The following NBEA variants were observed in gnomAD, a reference collection of about 807,000 sequenced individuals.
NBEA encodes lysosomal-trafficking regulator 2.
In NBEA, 44 loss-of-function variants were observed where a neutral mutation model predicts 343.4. The ratio of observed to expected loss-of-function variants is 0.13; its 90% CI spans 0.10 to 0.16. The LOEUF (loss-of-function observed/expected upper bound fraction) is 0.16, where lower values mean the gene tolerates loss of function less well. NBEA is among the 10% of genes least tolerant of loss of function. NBEA has a pLI of 1.00. For missense variants in NBEA, 2,555 were observed against 3,631.3 expected (o/e 0.70, Z 7.62); for synonymous variants, 1,175 against 1,238.7 (o/e 0.95, Z 1.08).
At chr13:35,546,192 T>C (rs1441542768) in intron 41 of NBEA, among the ~76,000 whole-genome samples, 11 of 152,230 alleles carry the variant, frequency 7.2e-5, no homozygotes, top group Non-Finnish European at 1.5e-5. Context: ...AGAAAATTAA[T>C]CATTTTCATG....
chr13:35,618,247 CCTT>C (rs1412784524), intron 48 of NBEA, among the ~76,000 whole-genome samples: 1 of 152,154 alleles, frequency 6.6e-6, no homozygotes, highest in Non-Finnish European at 1.5e-5. Flanking sequence ...AGTATTCCCT[CCTT>C]CTTTCAAACT....
At chr13:35,214,303 C>T (rs1439393916) in intron 33 of NBEA, among the ~76,000 whole-genome samples, 7 of 151,906 alleles carry the variant, frequency 4.6e-5, no homozygotes, top group African/African-American at 1.7e-4. Context: ...GTATGCTTAA[C>T]CATTTGAGAA....
chr13:35,308,438 CTATATATATATATATATATA>C (rs5802761), intron 35 of NBEA, among the ~76,000 whole-genome samples: 2,144 of 88,962 alleles, frequency 0.024, 127 homozygotes, highest in African/African-American at 0.091. Flanking sequence ...CTGCTATTTA[CTATATATATATATATATATA>C]TATATATATA....
intron 16 of NBEA, among the ~76,000 whole-genome samples, chr13:35,119,928 T>C (rs372709005): frequency 1.5e-3 from 227 of 152,340 alleles, no homozygotes; most frequent in African/African-American, 5.3e-3. Context: ...TATGAAACTG[T>C]TGATACTTAA....
chr13:35,472,606 G>C (rs915849048), intron 41 of NBEA, 70 bp downstream of exon 41: 34 of 1,566,776 alleles, frequency 2.2e-5, no homozygotes, highest in Non-Finnish European at 3.0e-5. Flanking sequence ...ATTTTGTTTG[G>C]TTTTACCTGA....
intron 8 of NBEA, among the ~76,000 whole-genome samples, chr13:35,066,899 G>A (rs2063673066): frequency 6.6e-6 from 1 of 151,366 alleles, no homozygotes; most frequent in South Asian, 2.1e-4. Context: ...TTCTTATATA[G>A]CATTTTCAAT....
chr13:35,162,074 T>A, intron 23 of NBEA, 107 bp downstream of exon 23: 1 of 834,404 alleles, frequency 1.2e-6, no homozygotes, highest in Non-Finnish European at 1.8e-6. Flanking sequence ...TTAAAGGAAT[T>A]TCCACATTTT....
At chr13:35,125,881 A>G (rs1001423800) in intron 17 of NBEA, among the ~76,000 whole-genome samples, 1 of 152,180 alleles carries the variant, frequency 6.6e-6, no homozygotes, top group African/African-American at 2.4e-5. Flanking sequence ...AAGAACCACT[A>G]AACAGAATTT....
chr13:35,027,782 A>G (rs182769035), intron 1 of NBEA, among the ~76,000 whole-genome samples: 34 of 152,028 alleles, frequency 2.2e-4, no homozygotes, highest in African/African-American at 7.2e-4. Context: ...ATTTTCTGCT[A>G]TGTTATCTTC....
intron 46 of NBEA, chr13:35,593,111 A>G: frequency 2.4e-6 from 1 of 415,836 alleles, no homozygotes; most frequent in Non-Finnish European, 4.3e-6. Flanking sequence ...GAAGACCAGA[A>G]GCAAAATGAC....
In NBEA at chr13:35,103,829, A is replaced by T. The variant is rs73498492; in HGVS notation, c.1680+5424A>T. Among the ~76,000 whole-genome samples the T allele has an allele frequency of 6.4e-3, 979 of 151,978 alleles. 11 individuals carry two copies. The highest frequency in any genetic ancestry group is 0.023 in the African/African-American group (939 of 41,532). ...TTATGTTGTCTTACTGTCAAAATGT[A>T]TCCAGAATCAATTACTACTTCCTCT... On this transcript the variant is annotated intron_variant, in intron 11 of 58. Transcript: ENST00000379939.
At chr13:35,328,774 G>GT (rs760322282) in intron 36 of NBEA, among the ~76,000 whole-genome samples, 4,494 of 141,228 alleles carry the variant, frequency 0.032, 187 homozygotes, top group African/African-American at 0.1. Flanking sequence ...TTCCAGCAGG[G>GT]TTTTTTTTTT....
chr13:35,079,351 A>T (rs1441841452), intron 10 of NBEA, among the ~76,000 whole-genome samples: 1 of 152,226 alleles, frequency 6.6e-6, no homozygotes, highest in Non-Finnish European at 1.5e-5. Flanking sequence ...ATGGTTACAA[A>T]AATACGGAAA....
intron 41 of NBEA, among the ~76,000 whole-genome samples, chr13:35,543,677 T>C (rs2078935706): frequency 6.6e-6 from 1 of 152,294 alleles, no homozygotes; most frequent in Non-Finnish European, 1.5e-5. Context: ...ATTTTATTTT[T>C]TAAGTGGGAG....
At chr13:35,111,184 A>G (rs898158370) in intron 13 of NBEA, among the ~76,000 whole-genome samples, 2 of 152,212 alleles carry the variant, frequency 1.3e-5, no homozygotes, top group African/African-American at 4.8e-5. Context: ...TCAGTTAAAA[A>G]GCAACAATAG....
intron 41 of NBEA, among the ~76,000 whole-genome samples, chr13:35,502,467 CTA>C (rs2076923613): frequency 6.6e-6 from 1 of 150,966 alleles, no homozygotes; most frequent in South Asian, 2.1e-4. Context: ...ACTTCTAAAA[CTA>C]TTCCTTTTTC....
chr13:35,515,352 G>T (rs2077442602), intron 41 of NBEA, among the ~76,000 whole-genome samples: 1 of 152,092 alleles, frequency 6.6e-6, no homozygotes, highest in Non-Finnish European at 1.5e-5. Context: ...AATGCATCTG[G>T]CAAAGAGTAG....
chr13:35,400,477 G>T (rs528159056), intron 38 of NBEA, among the ~76,000 whole-genome samples: 5 of 151,918 alleles, frequency 3.3e-5, no homozygotes, highest in Non-Finnish European at 7.4e-5. Context: ...CATCTAATAT[G>T]TCCTACTTTT....
chr13:35,164,609 T>C, intron 24 of NBEA, 100 bp downstream of exon 24: 3 of 1,268,180 alleles, frequency 2.4e-6, no homozygotes, highest in South Asian at 2.8e-5. Flanking sequence ...ACCAGACCTG[T>C]ACTTTTTAGG....
Sources: allele counts gnomAD v4.1 joint callset (sites outside exome capture counted in the v4.1 genomes callset), GRCh38; gene constraint gnomAD v4.1.1; transcripts MANE v1.5; gene names NCBI Gene and HGNC (gene_info 2026-07-23, HGNC 2026-07-21).